The following C2orf76 variants were observed in gnomAD, a reference collection of about 807,000 sequenced individuals.
C2orf76 encodes chromosome 2 open reading frame 76.
A neutral mutation model predicts 16.9 loss-of-function variants in C2orf76; 23 were observed. The ratio of observed to expected loss-of-function variants is 1.36; its 90% confidence interval spans 0.98 to 1.93. The LOEUF (loss-of-function observed/expected upper bound fraction) is 1.93. Ranked by LOEUF, C2orf76 falls within the 30% of genes most tolerant of loss-of-function variation. The pLI, the probability that C2orf76 is intolerant of heterozygous loss-of-function variation, is 0.00. For synonymous variants in C2orf76, 48 were observed against 52.3 expected, an observed-to-expected ratio of 0.92 and a Z score of 0.35; for missense variants, 152 against 152.6, an observed-to-expected ratio of 1.00 and a Z score of 0.02.
At chr2:119,365,945 C>T (rs1305224386) in intron 1 of C2orf76, among the ~76,000 whole-genome samples, 1 of 152,124 alleles carries the variant, frequency 6.6e-6, no homozygotes, top group African/African-American at 2.4e-5. Flanking sequence ...CTGCCACCGC[C>T]AAAACTCTCC....
intron 1 of C2orf76, chr2:119,366,359 G>C: frequency 4.3e-6 from 2 of 463,940 alleles, no homozygotes; most frequent in Non-Finnish European, 8.9e-6. Context: ...TAACGCACCA[G>C]ATGGAGAAAT....
At chr2:119,330,459 TTC>T (rs1379458227) in intron 2 of C2orf76, among the ~76,000 whole-genome samples, 2 of 152,150 alleles carry the variant, frequency 1.3e-5, no homozygotes, top group African/African-American at 4.8e-5. Flanking sequence ...ATGTAATGTG[TTC>T]TTTTTTCTCT....
chr2:119,330,723 C>G (rs1309765111), intron 2 of C2orf76, among the ~76,000 whole-genome samples: 1 of 152,086 alleles, frequency 6.6e-6, no homozygotes, highest in Non-Finnish European at 1.5e-5. Context: ...TGTCCCATAC[C>G]TCCCCACTGC....
At chr2:119,286,444 G>A in the C2orf76 span, among the ~76,000 whole-genome samples, 3 of 152,052 alleles carry the variant, frequency 2.0e-5, no homozygotes, top group Admixed American at 6.6e-5. Flanking sequence ...ACCAGAGTGG[G>A]AAGTCTGAGA....
chr2:119,366,496 C>T (rs1290184048), intron 1 of C2orf76: 2 of 471,666 alleles, frequency 4.2e-6, no homozygotes, highest in African/African-American at 2.0e-5. Context: ...AGCTTTCCAC[C>T]ATCACGCTGC....
chr2:119,326,243 AT>A (rs1679506899), intron 2 of C2orf76, among the ~76,000 whole-genome samples: 1 of 152,098 alleles, frequency 6.6e-6, no homozygotes, highest in South Asian at 2.1e-4. Context: ...ATTTTGAGTT[AT>A]TTTTGTATAT....
intron 1 of C2orf76, among the ~76,000 whole-genome samples, chr2:119,358,441 C>A (rs1023020372): frequency 6.6e-6 from 1 of 151,722 alleles, no homozygotes; most frequent in Non-Finnish European, 1.5e-5. Context: ...AGCTGGGAGT[C>A]GTGGTGTGCA....
rs1283306620 is a variant in C2orf76 at position 119,339,993 on chromosome 2, C to T, written c.-12-22G>A. 3.1e-6 allele frequency: 5 copies of T among 1,596,534 alleles called. No individual in the cohort carries two copies. The African/African-American group carries it at 4.0e-5, about 13-fold the overall frequency. On this transcript the variant is annotated intron_variant, in intron 1 of 5. Coordinates refer to ENST00000334816, the MANE Select transcript of C2orf76 (RefSeq NM_001322331.2). ...ATTCCTGTGGCAAGAGACATGAGAA[C>T]CATCTAAATGAAGCCAGCTCACAGT...
At chr2:119,293,408 C>T in the C2orf76 span, among the ~76,000 whole-genome samples, 1 of 152,182 alleles carries the variant, frequency 6.6e-6, no homozygotes, top group East Asian at 1.9e-4. Context: ...TACCAGCTGG[C>T]CCTGGGGCGT....
intron 1 of C2orf76, among the ~76,000 whole-genome samples, chr2:119,340,611 C>T (rs751472650): frequency 6.6e-6 from 1 of 151,916 alleles, no homozygotes; most frequent in Non-Finnish European, 1.5e-5. Context: ...CTCATGGTTT[C>T]GTGAGAGAAT....
the C2orf76 span, among the ~76,000 whole-genome samples, chr2:119,288,549 A>ATCCC: frequency 1.3e-5 from 2 of 152,074 alleles, no homozygotes; most frequent in Admixed American, 6.6e-5. Context: ...GTAAGGGGAT[A>ATCCC]ATACAAACAT....
intron 2 of C2orf76, among the ~76,000 whole-genome samples, chr2:119,322,921 C>T (rs2104569647): frequency 6.6e-6 from 1 of 152,238 alleles, no homozygotes; most frequent in Non-Finnish European, 1.5e-5. Context: ...AGACTTTTCA[C>T]TATATTCCTT....
chr2:119,311,027 G>T, intron 5 of C2orf76: 3 of 444,894 alleles, frequency 6.7e-6, no homozygotes, highest in Non-Finnish European at 8.9e-6. Context: ...ATCAGCTTTA[G>T]GTGTACATAT....
intron 1 of C2orf76, among the ~76,000 whole-genome samples, chr2:119,354,229 G>A (rs182171724): frequency 1.1e-3 from 166 of 152,166 alleles, no homozygotes; most frequent in African/African-American, 3.5e-3. Context: ...TACATTAATG[G>A]CAGGGCACGG....
chr2:119,364,890 T>C (rs905642471), intron 1 of C2orf76, among the ~76,000 whole-genome samples: 1 of 151,416 alleles, frequency 6.6e-6, no homozygotes, highest in Non-Finnish European at 1.5e-5. Context: ...ACCAACAACA[T>C]AGCAAGACCC....
rs547910640 is a variant in C2orf76, at chr2:119,317,306, T to C, written c.222+160A>G. Reference sequence around the variant, plus strand: ...TAACAGGGAAATAGCTTATTTTTCTTCAATGAAAAAGCTAAGGCAGTAAAA... The same window carrying C: ...TAACAGGGAAATAGCTTATTTTTCTCCAATGAAAAAGCTAAGGCAGTAAAA... On this transcript the variant is annotated intron_variant, in intron 4 of 5. Transcript: ENST00000334816. Among the ~76,000 whole-genome samples, 43 of 152,326 alleles carry C rather than the reference T, an allele frequency of 2.8e-4. No individual in the cohort carries two copies. In the South Asian group the frequency reaches 8.9e-3, roughly 32 times the overall value.
intron 1 of C2orf76, among the ~76,000 whole-genome samples, chr2:119,349,036 C>T (rs1023849499): frequency 1.3e-5 from 2 of 152,192 alleles, no homozygotes; most frequent in Non-Finnish European, 2.9e-5. Context: ...TGTACAGTAT[C>T]ACTGCATGTT....
intron 2 of C2orf76, among the ~76,000 whole-genome samples, chr2:119,328,034 T>C (rs1157263296): frequency 1.6e-4 from 24 of 152,052 alleles, no homozygotes; most frequent in Admixed American, 1.6e-3. Context: ...CCCTCCTTTT[T>C]TTTTTCTTAA....
chr2:119,366,241 A>C (rs1680980045), intron 1 of C2orf76: 2 of 370,590 alleles, frequency 5.4e-6, no homozygotes, highest in South Asian at 2.0e-5. Flanking sequence ...AGTGCAAGTT[A>C]CCCAACAGGA....
Sources: allele counts gnomAD v4.1 joint callset (sites outside exome capture counted in the v4.1 genomes callset), GRCh38; gene constraint gnomAD v4.1.1; transcripts MANE v1.5; gene names NCBI Gene and HGNC (gene_info 2026-07-23, HGNC 2026-07-21).